The following LAT2 variants were observed in gnomAD, a reference collection of about 807,000 sequenced individuals.
LAT2 encodes the protein linker for activation of T cells family member 2.
A neutral mutation model predicts 43.4 loss-of-function variants in LAT2; 23 were observed. The observed-to-expected ratio is 0.53, with a 90% CI of 0.38 to 0.75. LAT2 has a LOEUF of 0.75. Ranked by LOEUF, LAT2 falls within the 30% of genes least tolerant of loss-of-function variation. The pLI is 0.00. For synonymous variants in LAT2, 128 were observed against 123.2 expected, an observed-to-expected ratio of 1.04 and a Z score of -0.26; for missense variants, 284 against 310.2, an observed-to-expected ratio of 0.92 and a Z score of 0.64.
intron 2 of LAT2, among the ~76,000 whole-genome samples, chr7:74,215,436 G>A (rs1802002109): frequency 6.6e-6 from 1 of 152,180 alleles, no homozygotes; most frequent in Non-Finnish European, 1.5e-5. Context: ...GGGCTTCCGG[G>A]TGCGTCTGCG....
intron 10 of LAT2, among the ~76,000 whole-genome samples, chr7:74,223,037 C>A (rs1278034875): frequency 6.6e-6 from 1 of 152,186 alleles, no homozygotes; most frequent in Non-Finnish European, 1.5e-5. Context: ...CCTGCCCTGC[C>A]CTATCTGGAA....
chr7:74,220,401 A>G lies in LAT2; in HGVS notation c.265+147A>G. 1 of 1,231,188 alleles carries G rather than the reference A, an allele frequency of 8.1e-7. No individual in the cohort carries two copies. Among genetic ancestry groups the G allele is most frequent in the African/African-American group, 1.5e-5 (1 of 67,504 alleles). The allele number at this position is 1,231,188 out of a possible 1,614,324, so 76.3% of individuals were successfully genotyped here. ...AGAGACACACAGGCTGGGGCAGGGC[A>G]GGCTCCTGGAATCGGCCTGGCAGGG... On this transcript the variant is annotated intron_variant, in intron 7 of 13. Coordinates refer to ENST00000460943, the MANE Select transcript of LAT2 (RefSeq NM_032464.3). This position sits in a 1 kb window ranked among gnomAD's most constrained non-coding sequence, Gnocchi z 4.5.
intron 13 of LAT2, among the ~76,000 whole-genome samples, chr7:74,227,649 TG>T (rs1246653346): frequency 1.3e-5 from 2 of 152,200 alleles, no homozygotes; most frequent in South Asian, 2.1e-4. Context: ...TGGTGCCATC[TG>T]GGCAAGGGGT....
At chr7:74,215,500 G>A (rs782733783) in intron 2 of LAT2, among the ~76,000 whole-genome samples, 1 of 152,152 alleles carries the variant, frequency 6.6e-6, no homozygotes, top group Non-Finnish European at 1.5e-5. Context: ...TTTACTGGAG[G>A]CAACCCACTG....
chr7:74,214,009 C>T (rs2116087651), intron 1 of LAT2, among the ~76,000 whole-genome samples: 1 of 142,782 alleles, frequency 7.0e-6, no homozygotes, highest in South Asian at 2.2e-4. Flanking sequence ...AGTGCAGTAG[C>T]ATGATCACAG....
At chr7:74,227,312 C>G (rs1239059325) in intron 13 of LAT2, among the ~76,000 whole-genome samples, 2 of 151,954 alleles carry the variant, frequency 1.3e-5, no homozygotes, top group African/African-American at 4.8e-5. Flanking sequence ...ACCTCTGCCT[C>G]CTGGGTTCAG....
Position 74,224,626 on chromosome 7 carries a change from C to G in LAT2, c.629-13C>G, listed in dbSNP as rs183593841. 5 of 1,578,828 alleles carry G rather than the reference C, an allele frequency of 3.2e-6. No homozygotes were observed. The highest frequency in any genetic ancestry group is 4.3e-6 in the Non-Finnish European group (5 of 1,161,436). On this transcript the variant is annotated splice_polypyrimidine_tract_variant and intron_variant, in intron 12 of 13. Coordinates refer to ENST00000460943, the MANE Select transcript of LAT2 (RefSeq NM_032464.3). Reference sequence around the variant, plus strand: ...TGAACCACTCGATGACCTGTCTGCCCGCTGGTCCACAGGGCAACTCCAGAG... The same window carrying G: ...TGAACCACTCGATGACCTGTCTGCCGGCTGGTCCACAGGGCAACTCCAGAG...
chr7:74,213,053 G>C (rs548089326), intron 1 of LAT2, among the ~76,000 whole-genome samples: 10 of 152,304 alleles, frequency 6.6e-5, no homozygotes, highest in African/African-American at 2.4e-4. Context: ...GACAGCCCAG[G>C]TCCTGGTGGA....
Position 74,220,547 on chromosome 7 carries a change from C to T in LAT2, c.266-37C>T. 2 of 1,613,466 alleles carry T rather than the reference C, an allele frequency of 1.2e-6. No individual in the cohort carries two copies. Among genetic ancestry groups the T allele is most frequent in the South Asian group, 1.1e-5 (1 of 91,030 alleles). ...ACCCGAGCTGGGTGCAAAGCAGGGG[C>T]CAGGGGAGAAAGCAATTAGCTGGGT... On this transcript the variant is annotated intron_variant, in intron 7 of 13. Coordinates refer to ENST00000460943, the MANE Select transcript of LAT2 (RefSeq NM_032464.3). This position sits in a 1 kb window ranked among gnomAD's most constrained non-coding sequence, Gnocchi z 4.5.
At chr7:74,214,487 A>C (rs377172446) in intron 1 of LAT2, among the ~76,000 whole-genome samples, 26 of 39,246 alleles carry the variant, frequency 6.6e-4, no homozygotes, top group Non-Finnish European at 7.8e-4. Flanking sequence ...TATATATGAA[A>C]ATATATATAT....
chr7:74,220,272 G>C lies in LAT2; in HGVS notation c.265+18G>C. On this transcript the variant is annotated intron_variant, in intron 7 of 13. Coordinates refer to ENST00000460943, the MANE Select transcript of LAT2 (RefSeq NM_032464.3). The surrounding 1 kb of genome is among the most constrained non-coding windows in gnomAD (Gnocchi z 4.5). ...CCTGGAGGGTGAGTGGCACAGGGCA[G>C]GGACAGGGACAGGCCTAGCCAAGCT... 1 of 1,608,560 alleles carries C rather than the reference G, an allele frequency of 6.2e-7. No homozygotes were observed. Among genetic ancestry groups the C allele is most frequent in the Admixed American group, 1.7e-5 (1 of 59,316 alleles).
intron 1 of LAT2, among the ~76,000 whole-genome samples, chr7:74,213,608 A>G (rs1039767434): frequency 6.6e-6 from 1 of 151,726 alleles, no homozygotes; most frequent in Non-Finnish European, 1.5e-5. Flanking sequence ...TATTTTTAGT[A>G]GAGATGGGGT....
At chr7:74,215,848 C>T (rs1554714165) in intron 2 of LAT2, 99 bp from the exon 3 acceptor site, 3 of 828,144 alleles carry the variant, frequency 3.6e-6, no homozygotes, top group East Asian at 4.9e-5. Context: ...GGTGTTTCCG[C>T]AGCCTAGGCT....
intron 1 of LAT2, among the ~76,000 whole-genome samples, chr7:74,212,053 C>G (rs1434317990): frequency 6.6e-6 from 1 of 152,116 alleles, no homozygotes; most frequent in Non-Finnish European, 1.5e-5. Flanking sequence ...AAGCAATTCT[C>G]TTGCCTCAGT....
At chr7:74,221,780 G>A (rs1412238566) in intron 10 of LAT2, 88 bp downstream of exon 10, 32 of 1,205,942 alleles carry the variant, frequency 2.7e-5, no homozygotes, top group African/African-American at 6.2e-5. Flanking sequence ...AGGAGGCTGG[G>A]CCTGGGTTCG....
intron 4 of LAT2, among the ~76,000 whole-genome samples, chr7:74,218,944 T>G (rs1017319945): frequency 6.8e-6 from 1 of 147,972 alleles, no homozygotes; most frequent in Non-Finnish European, 1.5e-5. Flanking sequence ...GTGATTCGCC[T>G]GCCTTGGCCT....
intron 13 of LAT2, chr7:74,226,224 A>C (rs1447406526): frequency 6.7e-6 from 1 of 148,410 alleles, no homozygotes; most frequent in Non-Finnish European, 1.5e-5. Context: ...TGCAACCTCC[A>C]CCTCCTGGGT....
intron 10 of LAT2, among the ~76,000 whole-genome samples, chr7:74,223,107 CCT>C (rs781942588): frequency 3.2e-4 from 49 of 152,282 alleles, no homozygotes; most frequent in Non-Finnish European, 5.7e-4. Context: ...GAGATGAACC[CCT>C]GAGGCTGCCC....
chr7:74,218,061 C>T (rs1420643700), intron 4 of LAT2, among the ~76,000 whole-genome samples: 1 of 152,108 alleles, frequency 6.6e-6, no homozygotes, highest in Non-Finnish European at 1.5e-5. Context: ...GCCCTGCCCA[C>T]CCCCAGCCCC....
Sources: allele counts gnomAD v4.1 joint callset (sites outside exome capture counted in the v4.1 genomes callset), GRCh38; gene constraint gnomAD v4.1.1; non-coding constraint Gnocchi (gnomAD v3.1); transcripts MANE v1.5; gene names NCBI Gene and HGNC (gene_info 2026-07-23, HGNC 2026-07-21).